The following NRXN1 variants were observed in gnomAD, a reference collection of about 807,000 sequenced individuals.
NRXN1 encodes the protein neurexin-1.
A neutral mutation model predicts 150.9 loss-of-function variants in NRXN1; 39 were observed. The ratio of observed to expected loss-of-function variants is 0.26; its 90% confidence interval spans 0.20 to 0.34. The LOEUF (loss-of-function observed/expected upper bound fraction) is 0.34, where lower values mean the gene tolerates loss of function less well. Among genes scored for constraint, NRXN1 ranks in the 10% least tolerant of loss-of-function variants. NRXN1 has a pLI of 1.00. For missense variants in NRXN1, 1,815 were observed against 1,949.9 expected, an observed-to-expected ratio of 0.93 and a Z score of 1.30; for synonymous variants, 924 against 757.0, an observed-to-expected ratio of 1.22 and a Z score of -3.62.
Position 51,027,425 on chromosome 2 carries a change from C to T in NRXN1, c.772+77G>A, listed in dbSNP as rs990191206. ...CACGTTTGCCAAGATTAGGAAGACCCCATGCACCAGCCCGGTCCCCTCCTC... is the reference window on the plus strand; with the variant it reads ...CACGTTTGCCAAGATTAGGAAGACCTCATGCACCAGCCCGGTCCCCTCCTC... On this transcript the variant is annotated intron_variant, in intron 2 of 22. Transcript: ENST00000401669. 7.4e-5 allele frequency: 104 copies of T among 1,407,062 alleles called. No homozygotes were observed. The East Asian group carries it at 2.6e-3, about 35-fold the overall frequency. 87.2% of individuals were successfully genotyped at this position (1,407,062 alleles called of 1,614,324 possible). A position where few individuals can be genotyped will look rare whatever the true frequency, so the allele number is the denominator to read the frequency against.
chr2:49,991,584 G>T (rs1476172134), intron 21 of NRXN1, among the ~76,000 whole-genome samples: 2 of 152,098 alleles, frequency 1.3e-5, no homozygotes, highest in Non-Finnish European at 2.9e-5. Flanking sequence ...CTTGAGGAAT[G>T]AAATCTAGTA....
rs1315223242 is a variant in NRXN1 at position 50,578,750 on chromosome 2, G to C, written c.1321-25725C>G. On this transcript the variant is annotated intron_variant, in intron 8 of 22. Coordinates refer to ENST00000401669, the MANE Select transcript of NRXN1 (RefSeq NM_001330078.2). Reference sequence around the variant, plus strand: ...CTAAAGCTTTTTAATTTATATTCTAGATCTAGATAGATAAAAAGCTAAAGC... The same window carrying C: ...CTAAAGCTTTTTAATTTATATTCTACATCTAGATAGATAAAAAGCTAAAGC... Among the ~76,000 whole-genome samples the C allele has an allele frequency of 5.9e-5, 9 of 151,496 alleles. No individual in the cohort carries two copies. In the South Asian group the frequency reaches 1.9e-3, roughly 32 times the overall value.
At chr2:50,265,199 G>A (rs907751335) in intron 17 of NRXN1, among the ~76,000 whole-genome samples, 1 of 151,924 alleles carries the variant, frequency 6.6e-6, no homozygotes, top group Admixed American at 6.6e-5. Flanking sequence ...CCTCATGGTG[G>A]GAATATATTT....
Position 50,805,956 on chromosome 2 carries a change from T to C in NRXN1, c.832+115913A>G, listed in dbSNP as rs141732308. ...AACATACCTACCTATATTTTGGCTG[T>C]TTCTCAAGCTGACTTATTTCCCAGA... On this transcript the variant is annotated intron_variant, in intron 5 of 22. Transcript: ENST00000401669. Among the ~76,000 whole-genome samples, 12 of 152,282 alleles carry C rather than the reference T, an allele frequency of 7.9e-5. No homozygotes were observed. The East Asian group carries it at 2.3e-3, about 29-fold the overall frequency.
At chr2:50,748,971 C>T (rs1394315787) in intron 5 of NRXN1, among the ~76,000 whole-genome samples, 1 of 152,026 alleles carries the variant, frequency 6.6e-6, no homozygotes, top group Non-Finnish European at 1.5e-5. Context: ...CACAGATATG[C>T]AAGATAAACA....
intron 5 of NRXN1, among the ~76,000 whole-genome samples, chr2:50,763,705 T>A (rs1412077566): frequency 6.6e-6 from 1 of 151,916 alleles, no homozygotes; most frequent in Non-Finnish European, 1.5e-5. Context: ...TTTTGCCTTG[T>A]AACTGCCATT....
chr2:50,173,128 C>T (rs901457347), intron 18 of NRXN1, among the ~76,000 whole-genome samples: 1 of 152,176 alleles, frequency 6.6e-6, no homozygotes, highest in Non-Finnish European at 1.5e-5. Context: ...GTAATCGGAA[C>T]TGTCAGGACA....
At chr2:50,219,986 T>A (rs1317492111) in intron 18 of NRXN1, among the ~76,000 whole-genome samples, 87 of 25,466 alleles carry the variant, frequency 3.4e-3, no homozygotes, top group African/African-American at 0.01. Flanking sequence ...ATATATATAT[T>A]ATATATAATA....
At chr2:50,829,060 C>G (rs1180552731) in intron 5 of NRXN1, among the ~76,000 whole-genome samples, 1 of 152,158 alleles carries the variant, frequency 6.6e-6, no homozygotes, top group East Asian at 1.9e-4. Flanking sequence ...AACCCCGTCT[C>G]CACCAAAAAA....
At chr2:51,001,236 G>GGGTC (rs1553477318) in intron 2 of NRXN1, among the ~76,000 whole-genome samples, 1 of 89,304 alleles carries the variant, frequency 1.1e-5, no homozygotes, top group African/African-American at 4.6e-5. Flanking sequence ...CATGGGGTTG[G>GGGTC]GGGGGGGGGG....
chr2:50,234,867 G>T (rs1244521699), intron 18 of NRXN1, among the ~76,000 whole-genome samples: 1 of 152,042 alleles, frequency 6.6e-6, no homozygotes, highest in Non-Finnish European at 1.5e-5. Flanking sequence ...GGCTCGTAAA[G>T]GAGATATGGA....
chr2:50,834,127 G>C (rs1421756430), intron 5 of NRXN1, among the ~76,000 whole-genome samples: 1 of 151,982 alleles, frequency 6.6e-6, no homozygotes, highest in African/African-American at 2.4e-5. Flanking sequence ...TATTTATTGA[G>C]ATCACTGACT....
intron 5 of NRXN1, among the ~76,000 whole-genome samples, chr2:50,890,130 T>C (rs1680833010): frequency 1.3e-5 from 2 of 151,960 alleles, no homozygotes; most frequent in East Asian, 1.9e-4. Context: ...TCTCAACTTG[T>C]ATAATGCTTC....
chr2:50,734,936 A>T (rs1441659823), intron 5 of NRXN1, among the ~76,000 whole-genome samples: 1 of 152,188 alleles, frequency 6.6e-6, no homozygotes, highest in Non-Finnish European at 1.5e-5. Flanking sequence ...CAGCCTTTTA[A>T]TATGCACCAA....
intron 5 of NRXN1, among the ~76,000 whole-genome samples, chr2:50,796,651 G>A (rs1425758752): frequency 6.6e-6 from 1 of 152,158 alleles, no homozygotes; most frequent in East Asian, 1.9e-4. Flanking sequence ...TTTCTGTGAA[G>A]GTGCCAAGGC....
intron 2 of NRXN1, among the ~76,000 whole-genome samples, chr2:50,967,249 A>G (rs754250220): frequency 3.3e-5 from 5 of 152,030 alleles, no homozygotes; most frequent in Non-Finnish European, 5.9e-5. Context: ...ATTTGAACTT[A>G]AAAGACAATA....
At chr2:50,658,197 T>C (rs971070401) in intron 5 of NRXN1, among the ~76,000 whole-genome samples, 2 of 151,952 alleles carry the variant, frequency 1.3e-5, no homozygotes, top group Non-Finnish European at 2.9e-5. Context: ...GCATAGGCTA[T>C]CCCAGGGTCC....
At chr2:50,129,857 T>A (rs969558664) in intron 18 of NRXN1, among the ~76,000 whole-genome samples, 1 of 152,208 alleles carries the variant, frequency 6.6e-6, no homozygotes, top group Non-Finnish European at 1.5e-5. Context: ...AATTTTTGAA[T>A]TTTTACTTGA....
chr2:50,809,730 A>G (rs1159399972), intron 5 of NRXN1, among the ~76,000 whole-genome samples: 3 of 152,278 alleles, frequency 2.0e-5, no homozygotes, highest in Admixed American at 1.3e-4. Context: ...TGTGATAAAC[A>G]CATGTCTAAG....
Sources: allele counts gnomAD v4.1 joint callset (sites outside exome capture counted in the v4.1 genomes callset), GRCh38; gene constraint gnomAD v4.1.1; transcripts MANE v1.5; gene names NCBI Gene and HGNC (gene_info 2026-07-23, HGNC 2026-07-21).